Variants in CALN1 observed in about 807,000 individuals in gnomAD.
The protein encoded by CALN1 is calcium-binding protein 8.
CALN1 carries 17 observed loss-of-function variants against 30.6 expected under a neutral mutation model. The ratio of observed to expected loss-of-function variants is 0.56; its 90% CI spans 0.38 to 0.83. The LOEUF (loss-of-function observed/expected upper bound fraction) is 0.83. CALN1 is among the 40% of genes least tolerant of loss of function. The pLI is 0.00. For synonymous variants in CALN1, 156 were observed against 131.4 expected (o/e 1.19, Z -1.28); for missense variants, 291 against 354.9 (o/e 0.82, Z 1.45).
intron 4 of CALN1, among the ~76,000 whole-genome samples, chr7:72,057,344 G>A (rs997008838): frequency 1.5e-4 from 23 of 150,400 alleles, no homozygotes; most frequent in Non-Finnish European, 5.9e-5. Context: ...ATACTAATTT[G>A]GCAATGGCAT....
intron 3 of CALN1, among the ~76,000 whole-genome samples, chr7:72,108,094 G>C (rs1297961461): frequency 6.6e-6 from 1 of 152,222 alleles, no homozygotes. Context: ...CAGCAGAGCT[G>C]TGCTCCCCGT....
chr7:72,252,253 A>G (rs1562797347), intron 3 of CALN1, among the ~76,000 whole-genome samples: 1 of 151,936 alleles, frequency 6.6e-6, no homozygotes, highest in African/African-American at 2.4e-5. Context: ...CTTGCACTCT[A>G]CACCTACCCC....
At chr7:72,107,267 T>C (rs1028768888) in intron 3 of CALN1, among the ~76,000 whole-genome samples, 2 of 152,226 alleles carry the variant, frequency 1.3e-5, no homozygotes, top group African/African-American at 4.8e-5. Flanking sequence ...TTCAGATCCC[T>C]GCTGCTGTAG....
At chr7:72,064,330 A>G (rs1281089470) in intron 4 of CALN1, among the ~76,000 whole-genome samples, 1 of 152,094 alleles carries the variant, frequency 6.6e-6, no homozygotes, top group Non-Finnish European at 1.5e-5. Context: ...TAAAAATGAA[A>G]ACTCGTTTTT....
intron 1 of CALN1, among the ~76,000 whole-genome samples, chr7:72,424,522 C>T (rs1024183411): frequency 1.3e-5 from 2 of 152,108 alleles, no homozygotes; most frequent in African/African-American, 4.8e-5. Context: ...AAACCATGTG[C>T]CTTGCAAAAA....
chr7:72,230,001 C>CGTG, intron 3 of CALN1, among the ~76,000 whole-genome samples: 1 of 151,086 alleles, frequency 6.6e-6, no homozygotes, highest in East Asian at 2.0e-4. Flanking sequence ...ATTAGCTGGG[C>CGTG]GTGGTGGTGG....
chr7:72,372,351 C>G (rs144745436), intron 2 of CALN1, among the ~76,000 whole-genome samples: 175 of 152,224 alleles, frequency 1.1e-3, no homozygotes, highest in Admixed American at 1.8e-3. Flanking sequence ...TTTCTGCCCT[C>G]TGTCTGCTTG....
chr7:72,034,225 G>C (rs1302631626), intron 4 of CALN1, among the ~76,000 whole-genome samples: 2 of 151,786 alleles, frequency 1.3e-5, no homozygotes, highest in Non-Finnish European at 2.9e-5. Context: ...GTGGTGGCGG[G>C]CGCCTGTAGT....
chr7:71,944,954 T>C (rs762472157), intron 5 of CALN1, among the ~76,000 whole-genome samples: 1 of 152,188 alleles, frequency 6.6e-6, no homozygotes, highest in Non-Finnish European at 1.5e-5. Context: ...TGGATGTTTG[T>C]ACCCTCCAAA....
intron 2 of CALN1, among the ~76,000 whole-genome samples, chr7:72,340,659 T>C (rs75333798): frequency 0.013 from 1,933 of 152,318 alleles, 46 homozygotes; most frequent in African/African-American, 0.044. Context: ...TTGAGTTTTA[T>C]GTACCTAGTT....
rs138189775 is a variant in CALN1 at position 72,307,444 on chromosome 7, G to A, written c.120-28634C>T. Among the ~76,000 whole-genome samples the A allele has an allele frequency of 3.5e-3, 527 of 152,302 alleles. 11 individuals are homozygous for A. The highest frequency in any genetic ancestry group is 0.034 in the East Asian group (174 of 5,174). On this transcript the variant is annotated intron_variant, in intron 2 of 6. Coordinates refer to ENST00000395275, the MANE Select transcript of CALN1 (RefSeq NM_031468.4). ...AAGGCTGAAGCCCGTCTGGCCGCAA[G>A]AGAGGTCAGTTCATTCACTCGGTCG... is the stretch of plus-strand genomic sequence containing the variant.
At chr7:72,161,647 A>C (rs1585065766) in intron 3 of CALN1, among the ~76,000 whole-genome samples, 1 of 152,160 alleles carries the variant, frequency 6.6e-6, no homozygotes, top group Non-Finnish European at 1.5e-5. Flanking sequence ...AGAAGACTCA[A>C]CTATTTTGAG....
intron 3 of CALN1, among the ~76,000 whole-genome samples, chr7:72,147,639 A>C (rs1394451828): frequency 6.6e-6 from 1 of 152,098 alleles, no homozygotes; most frequent in African/African-American, 2.4e-5. Flanking sequence ...CTATAAAGAC[A>C]CATGCACACA....
intron 1 of CALN1, among the ~76,000 whole-genome samples, chr7:72,409,548 C>G (rs1349353847): frequency 6.6e-6 from 1 of 151,752 alleles, no homozygotes; most frequent in Non-Finnish European, 1.5e-5. Flanking sequence ...AGCAACCAAT[C>G]TGGTGCATGG....
At chr7:72,214,864 T>C (rs568732187) in intron 3 of CALN1, among the ~76,000 whole-genome samples, 1 of 151,786 alleles carries the variant, frequency 6.6e-6, no homozygotes, top group East Asian at 1.9e-4. Context: ...GCAAGGGATC[T>C]AGGTTGCACA....
chr7:72,294,388 G>C (rs1178251473), intron 2 of CALN1, among the ~76,000 whole-genome samples: 8 of 152,126 alleles, frequency 5.3e-5, no homozygotes, highest in Non-Finnish European at 1.2e-4. Context: ...AATTCAAAAT[G>C]ATAGCATATT....
chr7:72,204,680 A>AAG (rs1162810016), intron 3 of CALN1, among the ~76,000 whole-genome samples: 2 of 152,176 alleles, frequency 1.3e-5, no homozygotes, highest in Non-Finnish European at 2.9e-5. Flanking sequence ...AACAGTACTT[A>AAG]ACTCACAGAG....
intron 1 of CALN1, among the ~76,000 whole-genome samples, chr7:72,428,935 C>A (rs1486667037): frequency 6.6e-6 from 1 of 152,178 alleles, no homozygotes; most frequent in Non-Finnish European, 1.5e-5. Context: ...GGTTGACCCC[C>A]TAACTACACA....
At chr7:72,475,941 CTTTTTTTTT>C in the CALN1 span, among the ~76,000 whole-genome samples, 1 of 75,878 alleles carries the variant, frequency 1.3e-5, no homozygotes, top group African/African-American at 6.4e-5. Context: ...CTCTCTCTCT[CTTTTTTTTT>C]TTTTTTTTTT....
Sources: allele counts gnomAD v4.1 joint callset (sites outside exome capture counted in the v4.1 genomes callset), GRCh38; gene constraint gnomAD v4.1.1; transcripts MANE v1.5; gene names NCBI Gene and HGNC (gene_info 2026-07-23, HGNC 2026-07-21).